ZNF540: variants seen among roughly 807,000 people sequenced by gnomAD.
The protein encoded by ZNF540 is zinc finger protein 540.
Under a neutral mutation model 11.8 loss-of-function variants are expected in ZNF540, and 3 were observed. That is an observed-to-expected ratio of 0.25 (90% CI 0.12 to 0.65). The LOEUF is 0.65. ZNF540 is among the 30% of genes least tolerant of loss of function. ZNF540 has a pLI of 0.83. For synonymous variants in ZNF540, 247 were observed against 259.0 expected (o/e 0.95, Z 0.45); for missense variants, 709 against 793.1 (o/e 0.89, Z 1.27).
upstream of ZNF540, among the ~76,000 whole-genome samples, chr19:37,590,892 C>T (rs116078960): frequency 6.6e-6 from 1 of 152,236 alleles, no homozygotes; most frequent in East Asian, 1.9e-4. Flanking sequence ...AAAATGCATT[C>T]TCTATCTTAA....
chr19:37,583,506 G>A (rs1301787150), intron 1 of ZNF540: 1 of 153,508 alleles, frequency 6.5e-6, no homozygotes, highest in Non-Finnish European at 1.5e-5. Flanking sequence ...GGCCTTTGAA[G>A]AGAGCTTCAG....
At chr19:37,596,929 C>T (rs753326490) in intron 1 of ZNF540, among the ~76,000 whole-genome samples, 13 of 152,086 alleles carry the variant, frequency 8.5e-5, no homozygotes, top group Non-Finnish European at 1.3e-4. Flanking sequence ...TCATTATTCA[C>T]GCTTGGGTTT....
At chr19:37,610,866 A>G (rs1262500689) in intron 4 of ZNF540, 2 of 152,190 alleles carry the variant, frequency 1.3e-5, no homozygotes, top group African/African-American at 4.8e-5. Flanking sequence ...AAAAATTCAG[A>G]TACCAAATTA....
chr19:37,584,901 T>C (rs541776430), intron 1 of ZNF540, among the ~76,000 whole-genome samples: 2 of 151,426 alleles, frequency 1.3e-5, no homozygotes, highest in Admixed American at 1.3e-4. Context: ...GAGGCGGAGC[T>C]TGCAGTGAGC....
intron 1 of ZNF540, among the ~76,000 whole-genome samples, chr19:37,580,950 T>G (rs2043435381): frequency 6.6e-6 from 1 of 152,324 alleles, no homozygotes; most frequent in East Asian, 1.9e-4. Context: ...TTGAATTAGT[T>G]CCACTATAAC....
intron 2 of ZNF540, among the ~76,000 whole-genome samples, 164 bp downstream of exon 2, chr19:37,598,620 A>G (rs2044014367): frequency 1.3e-5 from 2 of 152,124 alleles, no homozygotes; most frequent in Non-Finnish European, 2.9e-5. Context: ...ATCCACATGC[A>G]CATTGACCAA....
chr19:37,565,890 G>A lies in ZNF540; in HGVS notation c.-73+14225G>A, dbSNP rs1289422289. 5 of 1,613,684 alleles carry A rather than the reference G, an allele frequency of 3.1e-6. No individual in the cohort carries two copies. In the African/African-American group the frequency reaches 6.7e-5, roughly 22 times the overall value. On this transcript the variant is annotated intron_variant, in intron 1 of 4. Coordinates refer to the ZNF540 transcript ENST00000592533. Reference sequence around the variant, plus strand: ...ATTCTCTGATGTTGAATATAGCTTGGCTTTTTGCTAAAGGTATTCCTGTGT... The same window carrying A: ...ATTCTCTGATGTTGAATATAGCTTGACTTTTTGCTAAAGGTATTCCTGTGT...
intron 1 of ZNF540, among the ~76,000 whole-genome samples, chr19:37,574,295 T>C (rs2043170451): frequency 6.6e-6 from 1 of 152,212 alleles, no homozygotes; most frequent in African/African-American, 2.4e-5. Context: ...AAGAGCTGTC[T>C]ATAGTACTCA....
At chr19:37,584,057 TGA>T in intron 1 of ZNF540, 3 of 1,614,130 alleles carry the variant, frequency 1.9e-6, no homozygotes, top group Middle Eastern at 3.3e-4. Flanking sequence ...CCATTCCTCC[TGA>T]GAGAAGTCAA....
upstream of ZNF540, chr19:37,594,676 G>C (rs1282347142): frequency 6.6e-6 from 1 of 152,228 alleles, no homozygotes. Context: ...CACCATACAA[G>C]AACTACTTTT....
intron 4 of ZNF540, among the ~76,000 whole-genome samples, chr19:37,607,383 T>C (rs2044093328): frequency 6.6e-6 from 1 of 152,200 alleles, no homozygotes; most frequent in Non-Finnish European, 1.5e-5. Context: ...TCTATTAACT[T>C]TGAAAAATAT....
chr19:37,600,934 T>C, intron 3 of ZNF540, 76 bp from the exon 4 acceptor site: 1 of 1,254,642 alleles, frequency 8.0e-7, no homozygotes, highest in Non-Finnish European at 1.1e-6. Flanking sequence ...CATATAAATT[T>C]AACCAAGTCT....
intron 1 of ZNF540, chr19:37,583,682 G>T (rs2043556013): frequency 8.4e-6 from 2 of 237,028 alleles, no homozygotes; most frequent in Non-Finnish European, 1.6e-5. Context: ...TTGGCTTAGG[G>T]ACTGCACATA....
chr19:37,574,493 A>C (rs1057047045), intron 1 of ZNF540, among the ~76,000 whole-genome samples: 1 of 152,082 alleles, frequency 6.6e-6, no homozygotes, highest in Non-Finnish European at 1.5e-5. Context: ...TCTACCTAAA[A>C]CTCTTAGCTC....
chr19:37,584,251 T>A (rs1049929641), intron 1 of ZNF540: 3 of 919,870 alleles, frequency 3.3e-6, no homozygotes, highest in African/African-American at 3.4e-5. Flanking sequence ...TCTCTATCAT[T>A]CCTATTGCCA....
intron 1 of ZNF540, among the ~76,000 whole-genome samples, chr19:37,577,904 CT>C: frequency 6.6e-6 from 1 of 152,300 alleles, no homozygotes; most frequent in South Asian, 2.1e-4. Context: ...ACAGACCGTA[CT>C]GTTTGGCAGC....
chr19:37,602,165 C>A (rs1416447403), intron 4 of ZNF540, among the ~76,000 whole-genome samples: 1 of 151,966 alleles, frequency 6.6e-6, no homozygotes, highest in African/African-American at 2.4e-5. Context: ...AACAGACATG[C>A]CATGGGGTAT....
In ZNF540 at chr19:37,612,730, C is replaced by T. The variant is rs780778363; in HGVS notation, c.1450C>T (p.Leu484=). The stretch of plus-strand genomic sequence containing the variant: ...CTTTCGAGTTCGTTCTCAAATTAGT[C>T]TACATAAGAAAATTCATACTGATGT... ...KTFRVRSQIS[L]HKKIHTDVKP... Residue 484 remains leucine (L), a synonymous_variant, in exon 5 of 5, where the codon CTA becomes TTA. Transcript: ENST00000316433. 1.2e-6 allele frequency: 2 copies of T among 1,613,798 alleles called. No individual in the cohort carries two copies. Among genetic ancestry groups the T allele is most frequent in the Non-Finnish European group, 8.5e-7 (1 of 1,179,906 alleles).
At chr19:37,555,441 C>T in intron 1 of ZNF540, 1 of 160,284 alleles carries the variant, frequency 6.2e-6, no homozygotes, top group South Asian at 1.8e-4. Context: ...TATACAAGGC[C>T]CAAAAATTAA....
Sources: allele counts gnomAD v4.1 joint callset (sites outside exome capture counted in the v4.1 genomes callset), GRCh38; gene constraint gnomAD v4.1.1; transcripts MANE v1.5; gene names NCBI Gene and HGNC (gene_info 2026-07-23, HGNC 2026-07-21).